Variants in GABRA6 observed in about 807,000 individuals in gnomAD.
The protein encoded by GABRA6 is gamma-aminobutyric acid receptor subunit alpha-6.
GABRA6 carries 45 observed loss-of-function variants against 47.3 expected under a neutral mutation model. The ratio of observed to expected loss-of-function variants is 0.95; its 90% CI spans 0.75 to 1.22. The LOEUF is 1.22. Among genes scored for constraint, GABRA6 ranks in the 50% most tolerant of loss-of-function variants. The probability of loss-of-function intolerance (pLI) is 0.00; values close to 1 mark genes in which losing one functional copy is unlikely to be tolerated. For synonymous variants in GABRA6, 219 were observed against 194.7 expected (o/e 1.12, Z -1.04); for missense variants, 583 against 549.3 (o/e 1.06, Z -0.61).
At chr5:161,687,368 G>C (rs1754719267) in intron 3 of GABRA6, 3 of 381,040 alleles carry the variant, frequency 7.9e-6, no homozygotes, top group Non-Finnish European at 5.1e-6. Flanking sequence ...AGTTTATTGA[G>C]TATGTCTATA....
chr5:161,698,522 AT>A lies in GABRA6; in HGVS notation c.1087-2975del, dbSNP rs559040340. On this transcript the variant is annotated intron_variant, in intron 8 of 8. Coordinates refer to ENST00000274545, the MANE Select transcript of GABRA6 (RefSeq NM_000811.3). ...ATAGCTAAGATTCCTGAGCAAAAAAATATGTACATATGTATATGTGTATATA... is the reference window on the plus strand; with the variant it reads ...ATAGCTAAGATTCCTGAGCAAAAAAAATGTACATATGTATATGTGTATATA... 1.7e-3 allele frequency among the ~76,000 whole-genome samples: 258 copies of A among 152,256 alleles called. 2 individuals are homozygous for A. Among genetic ancestry groups the A allele is most frequent in the African/African-American group, 5.2e-3 (216 of 41,552 alleles).
chr5:161,697,597 A>AGAT (rs1754907010), intron 8 of GABRA6, among the ~76,000 whole-genome samples: 1 of 152,068 alleles, frequency 6.6e-6, no homozygotes, highest in African/African-American at 2.4e-5. Flanking sequence ...CAATGTCTGG[A>AGAT]GATACAACTT....
intron 8 of GABRA6, among the ~76,000 whole-genome samples, chr5:161,694,412 C>G (rs1754853412): frequency 6.6e-6 from 1 of 151,522 alleles, no homozygotes; most frequent in African/African-American, 2.4e-5. Flanking sequence ...TTTGCTTTAC[C>G]TTTTTTGAAA....
chr5:161,702,445 C>T lies in GABRA6; in HGVS notation c.*672C>T, dbSNP rs779661231. The T allele has an allele frequency of 6.6e-6, 1 of 152,152 alleles. No individual in the cohort carries two copies. Among genetic ancestry groups the T allele is most frequent in the Non-Finnish European group, 1.5e-5 (1 of 68,050 alleles). The allele number at this position is 152,152 out of a possible 1,614,324, so 9.4% of individuals were successfully genotyped here. A position where few individuals can be genotyped will look rare whatever the true frequency, so the allele number is the denominator to read the frequency against. ...AGTGTGTTTTATCCTACTAAATTCT[C>T]CTTTTAAAATAATACACTTACCATA... On this transcript the variant is annotated 3_prime_UTR_variant, in exon 9 of 9. Coordinates refer to ENST00000274545, the MANE Select transcript of GABRA6 (RefSeq NM_000811.3).
At chr5:161,687,147 T>A (rs1754717004) in intron 3 of GABRA6, 144 bp downstream of exon 3, 3 of 738,484 alleles carry the variant, frequency 4.1e-6, no homozygotes, top group Non-Finnish European at 7.4e-6. Flanking sequence ...GGCATGACCA[T>A]TAGAATGGAT....
chr5:161,686,633 C>G (rs893438991), intron 2 of GABRA6, among the ~76,000 whole-genome samples: 3 of 152,166 alleles, frequency 2.0e-5, no homozygotes, highest in African/African-American at 7.2e-5. Context: ...TCATGTAAAA[C>G]AGTTTTATTA....
intron 2 of GABRA6, 132 bp from the exon 3 acceptor site, chr5:161,686,804 C>T (rs1321046574): frequency 1.3e-6 from 1 of 771,568 alleles, no homozygotes; most frequent in South Asian, 1.5e-5. Context: ...CAAGGATCCC[C>T]ACTACTGGAA....
chr5:161,689,401 G>A, intron 5 of GABRA6, 65 bp downstream of exon 5: 1 of 1,354,870 alleles, frequency 7.4e-7, no homozygotes, highest in African/African-American at 1.4e-5. Context: ...CTTGGTTTTA[G>A]TTGATACTGG....
intron 1 of GABRA6, 89 bp from the exon 2 acceptor site, chr5:161,686,141 A>T (rs905119195): frequency 3.7e-6 from 5 of 1,369,378 alleles, no homozygotes; most frequent in Non-Finnish European, 5.2e-6. Context: ...GTGGTGTTGC[A>T]TGTATTTGTA....
Position 161,689,312 on chromosome 5 carries a change from G to A in GABRA6, c.505G>A (p.Ala169Thr), listed in dbSNP as rs771529467. The change falls in exon 5 of 9, where the codon GCT (alanine) becomes ACT (threonine). Residue 169 changes from alanine (A) to threonine (T), a missense_variant. Physicochemically the swap from Ala to Thr is moderately conservative, Grantham distance 58. Transcript: ENST00000274545. The part of the protein sequence containing the change: ...RLVNFPMDGH[A>T]CPLKFGSYAY... Reference sequence around the variant, plus strand: ...GGTTAACTTTCCTATGGATGGGCATGCTTGTCCACTCAAGTTTGGGAGCTG... The same window carrying A: ...GGTTAACTTTCCTATGGATGGGCATACTTGTCCACTCAAGTTTGGGAGCTG... The A allele has an allele frequency of 6.2e-7, 1 of 1,614,014 alleles. No homozygotes were observed. Among genetic ancestry groups the A allele is most frequent in the South Asian group, 1.1e-5 (1 of 91,086 alleles).
chr5:161,696,148 T>C (rs1754882010), intron 8 of GABRA6, among the ~76,000 whole-genome samples: 1 of 152,164 alleles, frequency 6.6e-6, no homozygotes, highest in African/African-American at 2.4e-5. Flanking sequence ...AAAAAGAAAT[T>C]AGCCTGGCTC....
At position 161,687,041 on chromosome 5, in the gene GABRA6, G is replaced by A. The variant is rs189346195; in HGVS notation, c.225+38G>A. ...TAAGTGAGTTGGGTGTTTTCATTTC[G>A]GGGAGGAGAGTGGAGTCCCAAAACT... is the stretch of plus-strand genomic sequence containing the variant. On this transcript the variant is annotated intron_variant, in intron 3 of 8. Transcript: ENST00000274545. 322 of 1,564,984 alleles carry A rather than the reference G, an allele frequency of 2.1e-4. 1 individual carries two copies. In the African/African-American group the frequency reaches 3.1e-3, roughly 15 times the overall value.
chr5:161,690,042 T>C, intron 6 of GABRA6, 159 bp from the exon 7 acceptor site: 1 of 737,438 alleles, frequency 1.4e-6, no homozygotes. Context: ...CTTCGCTCTA[T>C]CATCTGCTGA....
rs376905968 is a variant in GABRA6 at position 161,689,863 on chromosome 5, G to T, written c.673+84G>T. 45 of 1,412,500 alleles carry T rather than the reference G, an allele frequency of 3.2e-5. No individual in the cohort carries two copies. The African/African-American group carries it at 4.7e-4, about 15-fold the overall frequency. The allele number at this position is 1,412,500 out of a possible 1,614,324, so 87.5% of individuals were successfully genotyped here. On this transcript the variant is annotated intron_variant, in intron 6 of 8. Transcript: ENST00000274545. The stretch of plus-strand genomic sequence containing the variant: ...CAAAATATCTATTTCTTTTTCCTTC[G>T]CCTTAGCCATTCTCAGCTAAGCATG...
chr5:161,691,126 T>A (rs891046475), intron 7 of GABRA6, among the ~76,000 whole-genome samples: 2 of 151,972 alleles, frequency 1.3e-5, no homozygotes, highest in African/African-American at 4.8e-5. Flanking sequence ...ATAAATTTTA[T>A]CTTCTAATGA....
chr5:161,691,658 A>ATG, intron 7 of GABRA6, among the ~76,000 whole-genome samples: 1 of 152,058 alleles, frequency 6.6e-6, no homozygotes, highest in South Asian at 2.1e-4. Context: ...AGCCCTAAAC[A>ATG]ACTAGAACTA....
At position 161,689,940 on chromosome 5, in the gene GABRA6, G is replaced by A. The variant is rs10043518; in HGVS notation, c.673+161G>A. 838 of 732,774 alleles carry A rather than the reference G, an allele frequency of 1.1e-3. 6 individuals carry two copies. In the African/African-American group the frequency reaches 0.013, roughly 12 times the overall value. The allele number at this position is 732,774 out of a possible 1,614,324, so 45.4% of individuals were successfully genotyped here. On this transcript the variant is annotated intron_variant, in intron 6 of 8. Transcript: ENST00000274545. The stretch of plus-strand genomic sequence containing the variant: ...CTTAAAACTGATTTTGCAACCAGGT[G>A]CATATAAAGATTTGTGTAATCTTGG...
At chr5:161,687,554 T>C in intron 3 of GABRA6, 1 of 455,648 alleles carries the variant, frequency 2.2e-6, no homozygotes, top group Non-Finnish European at 4.4e-6. Context: ...CATAAGAGGG[T>C]ATTTATAGTA....
At position 161,701,499 on chromosome 5, in the gene GABRA6, A is replaced by T; in HGVS notation, c.1088A>T (p.His363Leu). The T allele has an allele frequency of 1.2e-6, 2 of 1,614,080 alleles. No homozygotes were observed. Among genetic ancestry groups the T allele is most frequent in the Non-Finnish European group, 1.7e-6 (2 of 1,180,002 alleles). Reference protein sequence around the residue: ...TEPLEAEIVLHPDSKYHLKKR... With the variant: ...TEPLEAEIVLLPDSKYHLKKR... ...TTAATATTTGTCTTTTTTCCACAGC[A>T]TCCTGACTCCAAATATCATCTGAAG... Residue 363 changes from histidine to leucine, a missense_variant and splice_region_variant, in exon 9 of 9, where the codon CAT becomes CTT. His to Leu is a moderately conservative substitution (Grantham distance 99). Coordinates refer to ENST00000274545, the MANE Select transcript of GABRA6 (RefSeq NM_000811.3).
Sources: allele counts gnomAD v4.1 joint callset (sites outside exome capture counted in the v4.1 genomes callset), GRCh38; gene constraint gnomAD v4.1.1; transcripts MANE v1.5; gene names NCBI Gene and HGNC (gene_info 2026-07-23, HGNC 2026-07-21).